Variants in RIMS1 observed in about 807,000 individuals in gnomAD.
RIMS1 encodes regulating synaptic membrane exocytosis 1.
RIMS1 carries 83 observed loss-of-function variants against 214.1 expected under a neutral mutation model. That is an observed-to-expected ratio of 0.39 (90% confidence interval 0.32 to 0.47). The LOEUF (loss-of-function observed/expected upper bound fraction) is 0.47, where lower values mean the gene tolerates loss of function less well. RIMS1 is among the 20% of genes least tolerant of loss of function. The pLI is 0.99. For missense variants in RIMS1, 2,050 were observed against 2,161.8 expected (o/e 0.95, Z 1.03); for synonymous variants, 793 against 786.8 (o/e 1.01, Z -0.13).
In RIMS1 at chr6:72,183,040, C is replaced by T; in HGVS notation, c.1569C>T (p.Gly523=). 6.3e-7 allele frequency: 1 copy of T among 1,599,332 alleles called. No homozygotes were observed. The highest frequency in any genetic ancestry group is 8.5e-7 in the Non-Finnish European group (1 of 1,173,802). The change falls in exon 6 of 34, where the codon GGC becomes GGT. Residue 523 remains glycine, a synonymous_variant. Coordinates refer to ENST00000521978, the MANE Select transcript of RIMS1 (RefSeq NM_014989.7). The part of the protein sequence containing the change: ...PPKPHRSKRG[G]KKRQMSVSSS... ...AGCCGCACCGGTCCAAGAGAGGCGG[C>T]AAGAAGCGGCAGATGTCGGTGAGCA...
At chr6:71,906,722 C>A (rs1036907183) in intron 1 of RIMS1, among the ~76,000 whole-genome samples, 8 of 152,044 alleles carry the variant, frequency 5.3e-5, no homozygotes, top group Non-Finnish European at 7.4e-5. Context: ...ACTATATGAT[C>A]CTGATAGGTC....
chr6:72,291,792 C>A lies in RIMS1; in HGVS notation c.3738-142C>A. On this transcript the variant is annotated intron_variant, in intron 25 of 33. Transcript: ENST00000521978. Reference sequence around the variant, plus strand: ...TTTGTAATATTCCATTTACACATATCATAAAAAGTGTTTGATTCTGCTCCC... The same window carrying A: ...TTTGTAATATTCCATTTACACATATAATAAAAAGTGTTTGATTCTGCTCCC... 2 of 695,914 alleles carry A rather than the reference C, an allele frequency of 2.9e-6. 1 individual carries two copies. The highest frequency in any genetic ancestry group is 3.2e-5 in the South Asian group (2 of 62,510). The allele number at this position is 695,914 out of a possible 1,614,324, so 43.1% of individuals were successfully genotyped here.
At chr6:72,017,585 A>G (rs867454405) in intron 2 of RIMS1, among the ~76,000 whole-genome samples, 1 of 152,234 alleles carries the variant, frequency 6.6e-6, no homozygotes, top group South Asian at 2.1e-4. Flanking sequence ...ATTTAAAAAT[A>G]TTTCAGAGCA....
At chr6:72,021,626 TA>T (rs1451362016) in intron 2 of RIMS1, among the ~76,000 whole-genome samples, 1 of 152,170 alleles carries the variant, frequency 6.6e-6, no homozygotes, top group Non-Finnish European at 1.5e-5. Context: ...GGAGTAGTAA[TA>T]ACAACAGAAT....
chr6:72,221,291 A>AGAGT (rs1554289629), intron 6 of RIMS1, among the ~76,000 whole-genome samples: 1,704 of 138,616 alleles, frequency 0.012, 11 homozygotes, highest in Non-Finnish European at 0.018. Flanking sequence ...ATCTGGGGTG[A>AGAGT]GTGTGTGTGT....
chr6:72,381,058 G>T (rs1382475054), intron 29 of RIMS1, among the ~76,000 whole-genome samples: 1 of 152,186 alleles, frequency 6.6e-6, no homozygotes, highest in Non-Finnish European at 1.5e-5. Flanking sequence ...ATGGCTTAAA[G>T]AGCAGATATT....
At chr6:72,048,803 T>C (rs1393567557) in intron 2 of RIMS1, among the ~76,000 whole-genome samples, 1 of 152,180 alleles carries the variant, frequency 6.6e-6, no homozygotes, top group Non-Finnish European at 1.5e-5. Context: ...GAATTCCCAC[T>C]GGAGTTAAAA....
At chr6:72,293,333 T>C (rs192434344) in intron 26 of RIMS1, among the ~76,000 whole-genome samples, 1 of 152,150 alleles carries the variant, frequency 6.6e-6, no homozygotes, top group Admixed American at 6.5e-5. Context: ...TTCATTGGAA[T>C]TATTCATTGA....
intron 6 of RIMS1, among the ~76,000 whole-genome samples, chr6:72,202,380 C>G (rs2052149508): frequency 6.6e-6 from 1 of 152,168 alleles, no homozygotes; most frequent in African/African-American, 2.4e-5. Flanking sequence ...TTATGGATGA[C>G]TGACTTTTCT....
chr6:72,178,119 G>A (rs1215781822), intron 4 of RIMS1, among the ~76,000 whole-genome samples: 1 of 151,792 alleles, frequency 6.6e-6, no homozygotes, highest in East Asian at 1.9e-4. Context: ...TTTATGACTG[G>A]GAAAGTCTAA....
intron 27 of RIMS1, 75 bp from the exon 28 acceptor site, chr6:72,313,431 G>A: frequency 2.2e-6 from 3 of 1,351,186 alleles, no homozygotes; most frequent in Admixed American, 3.8e-5. Flanking sequence ...GGGCTAAGTA[G>A]TCATTCATCT....
intron 2 of RIMS1, among the ~76,000 whole-genome samples, chr6:72,040,725 A>C (rs1450016740): frequency 6.6e-6 from 1 of 151,936 alleles, no homozygotes; most frequent in Admixed American, 6.6e-5. Context: ...GAAAAGCTAA[A>C]ATAAATCTAA....
intron 4 of RIMS1, among the ~76,000 whole-genome samples, chr6:72,173,249 T>C (rs1320932965): frequency 2.0e-5 from 3 of 152,118 alleles, no homozygotes; most frequent in African/African-American, 7.2e-5. Flanking sequence ...ATTTTCTTTC[T>C]GGATACTTTT....
intron 1 of RIMS1, among the ~76,000 whole-genome samples, chr6:71,954,229 G>C (rs1004960676): frequency 6.6e-6 from 1 of 152,146 alleles, no homozygotes; most frequent in African/African-American, 2.4e-5. Flanking sequence ...TGTAGATAAA[G>C]CCTTTCAAAA....
chr6:72,302,434 T>C (rs1273825408), intron 26 of RIMS1, among the ~76,000 whole-genome samples: 1 of 151,720 alleles, frequency 6.6e-6, no homozygotes. Context: ...CTATTCAGTC[T>C]TGGTATAGTC....
At chr6:72,246,334 A>C (rs1227552973) in intron 11 of RIMS1, among the ~76,000 whole-genome samples, 1 of 152,202 alleles carries the variant, frequency 6.6e-6, no homozygotes, top group Non-Finnish European at 1.5e-5. Flanking sequence ...TTCATTAAAC[A>C]TAATAGGTCA....
At chr6:72,302,991 G>A (rs997654585) in intron 26 of RIMS1, among the ~76,000 whole-genome samples, 16 of 150,914 alleles carry the variant, frequency 1.1e-4, no homozygotes, top group South Asian at 4.2e-4. Context: ...AAGGTGCATA[G>A]AGAGAAATGT....
At chr6:72,398,896 T>A in intron 32 of RIMS1, 59 bp from the exon 33 acceptor site, 2 of 1,091,946 alleles carry the variant, frequency 1.8e-6, no homozygotes, top group Non-Finnish European at 2.7e-6. Flanking sequence ...AATTCTCTAA[T>A]TAAAAAAATA....
At chr6:71,901,443 A>G (rs1411390883) in intron 1 of RIMS1, among the ~76,000 whole-genome samples, 2 of 152,178 alleles carry the variant, frequency 1.3e-5, no homozygotes, top group Non-Finnish European at 2.9e-5. Context: ...AAACAGGAAT[A>G]AAACATTGAT....
Sources: allele counts gnomAD v4.1 joint callset (sites outside exome capture counted in the v4.1 genomes callset), GRCh38; gene constraint gnomAD v4.1.1; transcripts MANE v1.5; gene names NCBI Gene and HGNC (gene_info 2026-07-23, HGNC 2026-07-21).